PPM1B: variants seen among roughly 807,000 people sequenced by gnomAD.
PPM1B encodes protein phosphatase 1B.
In PPM1B, 22 loss-of-function variants were observed where a neutral mutation model predicts 43.0. The ratio of observed to expected loss-of-function variants is 0.51; its 90% CI spans 0.37 to 0.73. PPM1B has a LOEUF of 0.73. PPM1B is among the 30% of genes least tolerant of loss of function. The probability of loss-of-function intolerance (pLI) is 0.00; values close to 1 mark genes in which losing one functional copy is unlikely to be tolerated. For synonymous variants in PPM1B, 217 were observed against 197.9 expected (o/e 1.10, Z -0.81); for missense variants, 632 against 584.2 (o/e 1.08, Z -0.84).
chr2:44,203,888 T>G (rs1669053616), intron 2 of PPM1B, among the ~76,000 whole-genome samples: 1 of 152,212 alleles, frequency 6.6e-6, no homozygotes, highest in Non-Finnish European at 1.5e-5. Flanking sequence ...TTGAGAATTT[T>G]GACTCGACCC....
chr2:44,177,577 C>G (rs936746913), intron 1 of PPM1B, among the ~76,000 whole-genome samples: 1 of 151,898 alleles, frequency 6.6e-6, no homozygotes, highest in African/African-American at 2.4e-5. Flanking sequence ...TGCCACCACG[C>G]TCAGCTAATT....
chr2:44,241,226 C>T lies in PPM1B; in HGVS notation n.1547-3002C>T, dbSNP rs13418812. Among the ~76,000 whole-genome samples, 328 of 142,084 alleles carry T rather than the reference C, an allele frequency of 2.3e-3. 40 individuals are homozygous for T. The highest frequency in any genetic ancestry group is 3.5e-3 in the Non-Finnish European group (224 of 63,974). 93.2% of individuals were successfully genotyped at this position (142,084 alleles called of 152,430 possible). ...CCATGTTGGCCAGGCTGGTCTCGAACTCCCGACCTCAGGTGATCCGCCCCC... is the reference window on the plus strand; with the variant it reads ...CCATGTTGGCCAGGCTGGTCTCGAATTCCCGACCTCAGGTGATCCGCCCCC... On this transcript the variant is annotated intron_variant and non_coding_transcript_variant, in intron 5 of 5. Coordinates refer to the PPM1B transcript ENST00000378540.
At chr2:44,187,428 C>T (rs142013195) in intron 1 of PPM1B, among the ~76,000 whole-genome samples, 4 of 152,240 alleles carry the variant, frequency 2.6e-5, no homozygotes, top group South Asian at 2.1e-4. Flanking sequence ...TTTTTGGATA[C>T]ATACACAGAA....
intron 1 of PPM1B, among the ~76,000 whole-genome samples, chr2:44,182,562 A>G (rs1667932562): frequency 6.6e-6 from 1 of 152,186 alleles, no homozygotes; most frequent in Non-Finnish European, 1.5e-5. Context: ...TGCCTGGCCA[A>G]TACTAGTAAT....
At chr2:44,241,697 A>AC (rs1341488552) in intron 5 of PPM1B, among the ~76,000 whole-genome samples, 1 of 151,518 alleles carries the variant, frequency 6.6e-6, no homozygotes, top group Non-Finnish European at 1.5e-5. Context: ...ATGTCACTGC[A>AC]CTCCAGCTTG....
At chr2:44,238,216 A>G (rs1009718727), downstream of PPM1B, among the ~76,000 whole-genome samples, 3 of 152,216 alleles carry the variant, frequency 2.0e-5, no homozygotes, top group South Asian at 6.2e-4. Flanking sequence ...AATGCAATTT[A>G]TCTTAACAAT....
At chr2:44,193,127 G>A (rs1373305294) in intron 1 of PPM1B, among the ~76,000 whole-genome samples, 1 of 152,106 alleles carries the variant, frequency 6.6e-6, no homozygotes, top group African/African-American at 2.4e-5. Flanking sequence ...TCTGGTTTTA[G>A]TTTTTTGAGG....
In PPM1B at chr2:44,201,346, C is replaced by T. The variant is rs1349134286; in HGVS notation, c.147C>T (p.Gly49=). 6.2e-6 allele frequency: 10 copies of T among 1,613,980 alleles called. No individual in the cohort carries two copies. The highest frequency in any genetic ancestry group is 1.1e-5 in the South Asian group (1 of 91,084). Residue 49 remains glycine (G), a synonymous_variant, in exon 2 of 6, where the codon GGC becomes GGT. Transcript: ENST00000282412. This position sits in a 1 kb window ranked among gnomAD's most constrained non-coding sequence, Gnocchi z 5.4. ...CAGCTGTTGTAGGTATTCCTCACGG[C>T]TTGGAAGACTGGTCATTTTTTGCAG... ...AHTAVVGIPH[G]LEDWSFFAVY...
chr2:44,195,016 T>G (rs540265854), intron 1 of PPM1B, among the ~76,000 whole-genome samples: 52 of 149,108 alleles, frequency 3.5e-4, no homozygotes, highest in African/African-American at 1.3e-3. Context: ...TTCAGCCTCC[T>G]AAGTAGCTGG....
At chr2:44,169,705 C>G (rs1178100022) in intron 1 of PPM1B, among the ~76,000 whole-genome samples, 1 of 152,242 alleles carries the variant, frequency 6.6e-6, no homozygotes, top group Admixed American at 6.5e-5. Context: ...CAGCTTCTGC[C>G]CTACTCTGCG....
chr2:44,223,888 T>A (rs912092164), intron 5 of PPM1B, among the ~76,000 whole-genome samples: 26 of 149,558 alleles, frequency 1.7e-4, no homozygotes, highest in African/African-American at 5.6e-4. Context: ...ACTATGTTTT[T>A]AAGGTATGAT....
intron 1 of PPM1B, among the ~76,000 whole-genome samples, chr2:44,198,015 A>T (rs996066666): frequency 2.0e-5 from 3 of 152,156 alleles, no homozygotes; most frequent in Non-Finnish European, 4.4e-5. Flanking sequence ...ATTTTCTTTG[A>T]TAGGAAGCAG....
chr2:44,187,882 T>C (rs1668200457), intron 1 of PPM1B, among the ~76,000 whole-genome samples: 1 of 152,130 alleles, frequency 6.6e-6, no homozygotes, highest in Non-Finnish European at 1.5e-5. Flanking sequence ...CCCTAGTAGC[T>C]GGGACTTACA....
intron 1 of PPM1B, among the ~76,000 whole-genome samples, chr2:44,174,238 T>C (rs2103993261): frequency 6.6e-6 from 1 of 152,358 alleles, no homozygotes; most frequent in East Asian, 1.9e-4. Flanking sequence ...TCTTAAAGTT[T>C]AGAAACATAA....
chr2:44,185,407 CTGTA>C (rs1175144173), intron 1 of PPM1B, among the ~76,000 whole-genome samples: 1 of 152,170 alleles, frequency 6.6e-6, no homozygotes, highest in Non-Finnish European at 1.5e-5. Context: ...TTAGAGCACA[CTGTA>C]TGTATTCAGT....
intron 5 of PPM1B, among the ~76,000 whole-genome samples, chr2:44,239,990 C>T (rs1411801729): frequency 9.0e-6 from 1 of 111,694 alleles, no homozygotes; most frequent in African/African-American, 2.8e-5. Flanking sequence ...ACATTGTCTT[C>T]ACCATATTTA....
intron 5 of PPM1B, among the ~76,000 whole-genome samples, chr2:44,221,802 AGAGTT>A (rs1669986815): frequency 6.6e-6 from 1 of 152,112 alleles, no homozygotes; most frequent in African/African-American, 2.4e-5. Flanking sequence ...TTCAGAAAGT[AGAGTT>A]GAGTATAAGT....
chr2:44,193,872 C>G (rs777407576), intron 1 of PPM1B, among the ~76,000 whole-genome samples: 3 of 151,998 alleles, frequency 2.0e-5, no homozygotes, highest in Non-Finnish European at 2.9e-5. Flanking sequence ...AGCCACTGTG[C>G]CCAGCATAAA....
At chr2:44,177,440 C>T (rs1220585788) in intron 1 of PPM1B, among the ~76,000 whole-genome samples, 5 of 78,542 alleles carry the variant, frequency 6.4e-5, no homozygotes, top group Non-Finnish European at 9.5e-5. Context: ...TTTTTTGAGA[C>T]GGAGTTTTGC....
Sources: gnomAD v4.1 joint callset for allele counts (sites outside exome capture counted in the v4.1 genomes callset) on GRCh38, gnomAD v4.1.1 for gene constraint, Gnocchi (gnomAD v3.1) non-coding constraint, MANE v1.5 for transcripts, NCBI Gene and HGNC (gene_info 2026-07-23, HGNC 2026-07-21) for gene names.